MYO1B: variants seen among roughly 807,000 people sequenced by gnomAD.
The protein encoded by MYO1B is unconventional myosin-Ib.
A neutral mutation model predicts 159.7 loss-of-function variants in MYO1B; 72 were observed. The observed-to-expected ratio is 0.45, with a 90% CI of 0.37 to 0.55. The LOEUF (loss-of-function observed/expected upper bound fraction) is 0.55. Among genes scored for constraint, MYO1B ranks in the 20% least tolerant of loss-of-function variants. The pLI, the probability that MYO1B is intolerant of heterozygous loss-of-function variation, is 0.00. For synonymous variants in MYO1B, 468 were observed against 473.8 expected, an observed-to-expected ratio of 0.99 and a Z score of 0.16; for missense variants, 1,062 against 1,364.8, an observed-to-expected ratio of 0.78 and a Z score of 3.50.
intron 2 of MYO1B, among the ~76,000 whole-genome samples, chr2:191,293,533 T>C (rs940811547): frequency 6.6e-6 from 1 of 152,228 alleles, no homozygotes; most frequent in African/African-American, 2.4e-5. Flanking sequence ...CTTGATTATA[T>C]GCTCAATAAG....
rs1437753199 is a variant in MYO1B at position 191,245,429 on chromosome 2, G to C, written c.-207G>C. The C allele has an allele frequency of 1.3e-5, 2 of 152,008 alleles. No homozygotes were observed. Among genetic ancestry groups the C allele is most frequent in the Admixed American group, 1.3e-4 (2 of 15,260 alleles). 9.4% of individuals were successfully genotyped at this position (152,008 alleles called of 1,614,324 possible). On this transcript the variant is annotated 5_prime_UTR_variant, in exon 1 of 31. Coordinates refer to ENST00000392318, the MANE Select transcript of MYO1B (RefSeq NM_001130158.3). Reference sequence around the variant, plus strand: ...GAGCACTCCGCAGCTGGGTGCGCACGGGAGCCTCAACCGCGGCGCGTGGAG... The same window carrying C: ...GAGCACTCCGCAGCTGGGTGCGCACCGGAGCCTCAACCGCGGCGCGTGGAG...
intron 23 of MYO1B, among the ~76,000 whole-genome samples, chr2:191,401,233 T>G (rs367877547): frequency 1.3e-5 from 2 of 152,212 alleles, no homozygotes; most frequent in Non-Finnish European, 1.5e-5. Context: ...CTGCAACATG[T>G]TGACAATGGA....
chr2:191,261,357 A>AGTGGCAGCTAATTTAG (rs1198921555), intron 1 of MYO1B, among the ~76,000 whole-genome samples: 8 of 152,292 alleles, frequency 5.3e-5, no homozygotes, highest in African/African-American at 1.9e-4. Flanking sequence ...GGAGTGGCTG[A>AGTGGCAGCTAATTTAG]GATAAGTAAA....
intron 16 of MYO1B, among the ~76,000 whole-genome samples, chr2:191,386,799 C>T (rs951472891): frequency 6.6e-6 from 1 of 151,978 alleles, no homozygotes; most frequent in Non-Finnish European, 1.5e-5. Flanking sequence ...AAGATAATTT[C>T]TGATCAGCTT....
intron 3 of MYO1B, among the ~76,000 whole-genome samples, chr2:191,317,086 A>G (rs1273212246): frequency 1.3e-5 from 2 of 152,140 alleles, no homozygotes; most frequent in African/African-American, 2.4e-5. Context: ...TGTGATAGGT[A>G]GCTCTTGGTA....
intron 1 of MYO1B, among the ~76,000 whole-genome samples, chr2:191,255,807 A>G (rs1004727518): frequency 7.2e-5 from 11 of 151,844 alleles, no homozygotes; most frequent in Admixed American, 5.9e-4. Context: ...GAGTATTGCC[A>G]CTGCTGCTGC....
intron 24 of MYO1B, among the ~76,000 whole-genome samples, chr2:191,405,353 A>G (rs1367860317): frequency 1.3e-5 from 2 of 152,216 alleles, no homozygotes; most frequent in African/African-American, 4.8e-5. Context: ...CAAGTCATCC[A>G]TGAGAGTTGG....
rs1020013622 is a variant in MYO1B, at chr2:191,425,005, T to A, written c.*1045T>A. 1 of 152,596 alleles carries A rather than the reference T, an allele frequency of 6.6e-6. No individual in the cohort carries two copies. Among genetic ancestry groups the A allele is most frequent in the African/African-American group, 2.4e-5 (1 of 41,466 alleles). The allele number at this position is 152,596 out of a possible 1,614,324, so 9.5% of individuals were successfully genotyped here. On this transcript the variant is annotated 3_prime_UTR_variant, in exon 31 of 31. Coordinates refer to ENST00000392318, the MANE Select transcript of MYO1B (RefSeq NM_001130158.3). ...TTTTAGTCATGGATCAAAATTTGTGTAACTTGCAGGGCTTTCTTTCTTTTT... is the reference window on the plus strand; with the variant it reads ...TTTTAGTCATGGATCAAAATTTGTGAAACTTGCAGGGCTTTCTTTCTTTTT...
At chr2:191,377,898 A>C (rs1196973806) in intron 13 of MYO1B, 2 of 152,108 alleles carry the variant, frequency 1.3e-5, no homozygotes, top group Non-Finnish European at 2.9e-5. Flanking sequence ...GACCCATGAC[A>C]TGTTTTGGAG....
chr2:191,341,009 C>T (rs1692187725), intron 4 of MYO1B, among the ~76,000 whole-genome samples: 1 of 152,144 alleles, frequency 6.6e-6, no homozygotes, highest in African/African-American at 2.4e-5. Flanking sequence ...CAGGCGGGAG[C>T]CACTGTGCCT....
chr2:191,372,874 A>G (rs185439552), intron 13 of MYO1B, among the ~76,000 whole-genome samples: 30 of 64,376 alleles, frequency 4.7e-4, no homozygotes, highest in African/African-American at 1.6e-3. Flanking sequence ...CCTGCGTTAT[A>G]TTTCCTTTTT....
chr2:191,319,763 CA>C (rs1273119107), intron 3 of MYO1B, among the ~76,000 whole-genome samples: 1 of 152,088 alleles, frequency 6.6e-6, no homozygotes, highest in Non-Finnish European at 1.5e-5. Flanking sequence ...TCCTTTGAAC[CA>C]TAGTTTTGGG....
intron 24 of MYO1B, chr2:191,407,738 CT>C (rs202000602): frequency 2.6e-5 from 4 of 152,870 alleles, no homozygotes; most frequent in South Asian, 2.1e-4. Context: ...GTTCTTCAGA[CT>C]TTTTTTTTCT....
At chr2:191,356,576 T>C (rs1167541076) in intron 7 of MYO1B, among the ~76,000 whole-genome samples, 1 of 152,182 alleles carries the variant, frequency 6.6e-6, no homozygotes, top group Non-Finnish European at 1.5e-5. Context: ...AGACTGTATT[T>C]ATCATGAAAG....
intron 23 of MYO1B, 95 bp downstream of exon 23, chr2:191,400,930 T>C: frequency 1.7e-6 from 2 of 1,193,312 alleles, no homozygotes; most frequent in South Asian, 2.9e-5. Context: ...CTACAATTAA[T>C]AGTGGCTCAC....
chr2:191,268,938 G>A (rs1687300911), intron 1 of MYO1B, among the ~76,000 whole-genome samples: 1 of 152,152 alleles, frequency 6.6e-6, no homozygotes, highest in African/African-American at 2.4e-5. Context: ...GGGAGAGATT[G>A]GACTAAGGAG....
chr2:191,367,020 GC>G (rs1694055631), intron 11 of MYO1B, among the ~76,000 whole-genome samples: 1 of 151,962 alleles, frequency 6.6e-6, no homozygotes, highest in Non-Finnish European at 1.5e-5. Context: ...CCTAGACCAT[GC>G]CTGTTACTGG....
chr2:191,308,567 A>G (rs1689793007), intron 3 of MYO1B, among the ~76,000 whole-genome samples: 1 of 152,020 alleles, frequency 6.6e-6, no homozygotes. Flanking sequence ...TTCTTCTTCC[A>G]TTCCCACCAA....
At chr2:191,416,686 C>T (rs1048772767) in intron 30 of MYO1B, among the ~76,000 whole-genome samples, 4 of 151,866 alleles carry the variant, frequency 2.6e-5, no homozygotes, top group Admixed American at 6.6e-5. Context: ...TGGTGGCGGG[C>T]GCATGTAATC....
Sources: gnomAD v4.1 joint callset for allele counts (sites outside exome capture counted in the v4.1 genomes callset) on GRCh38, gnomAD v4.1.1 for gene constraint, MANE v1.5 for transcripts, NCBI Gene and HGNC (gene_info 2026-07-23, HGNC 2026-07-21) for gene names.